TEAD1: variants seen among roughly 807,000 people sequenced by gnomAD.
TEAD1 encodes TEA domain transcription factor 1.
Under a neutral mutation model 54.9 loss-of-function variants are expected in TEAD1, and 9 were observed. The observed-to-expected ratio is 0.16, with a 90% confidence interval of 0.10 to 0.29. The LOEUF is 0.29. Ranked by LOEUF, TEAD1 falls within the 10% of genes least tolerant of loss-of-function variation. TEAD1 has a pLI of 1.00. For synonymous variants in TEAD1, 200 were observed against 187.8 expected, an observed-to-expected ratio of 1.07 and a Z score of -0.53; for missense variants, 387 against 535.9, an observed-to-expected ratio of 0.72 and a Z score of 2.74.
intron 2 of TEAD1, among the ~76,000 whole-genome samples, chr11:12,724,717 A>G (rs1590087219): frequency 6.6e-6 from 1 of 152,132 alleles, no homozygotes; most frequent in Non-Finnish European, 1.5e-5. Context: ...TGAGGGCAGA[A>G]CCTCCTGCTC....
intron 2 of TEAD1, among the ~76,000 whole-genome samples, chr11:12,721,803 A>G (rs948509185): frequency 1.6e-4 from 25 of 152,202 alleles, no homozygotes; most frequent in Non-Finnish European, 2.9e-4. Flanking sequence ...AAGCTTCTAA[A>G]TATACCCACT....
chr11:12,717,904 A>G lies in TEAD1; in HGVS notation c.-55+42343A>G, dbSNP rs548698281. ...ATTTACTGGGTTGTACAGTGGGGGT[A>G]TTAATAGAAGTACCTTCCTCATAGG... On this transcript the variant is annotated intron_variant, in intron 2 of 12. Coordinates refer to ENST00000527636, the MANE Select transcript of TEAD1 (RefSeq NM_021961.6). Among the ~76,000 whole-genome samples the G allele has an allele frequency of 2.0e-4, 31 of 152,322 alleles. No homozygotes were observed. In the East Asian group the frequency reaches 4.1e-3, roughly 20 times the overall value.
intron 9 of TEAD1, among the ~76,000 whole-genome samples, chr11:12,896,870 C>A: frequency 6.6e-6 from 1 of 152,146 alleles, no homozygotes; most frequent in Admixed American, 6.5e-5. Context: ...CAGTGCCTGG[C>A]ATGTATGATG....
chr11:12,740,252 T>A (rs1052762871), intron 2 of TEAD1, among the ~76,000 whole-genome samples: 1 of 152,224 alleles, frequency 6.6e-6, no homozygotes, highest in Non-Finnish European at 1.5e-5. Context: ...ACAGTAGTAC[T>A]TTTCTCATAG....
At chr11:12,888,783 G>C (rs890952938) in intron 9 of TEAD1, among the ~76,000 whole-genome samples, 11 of 152,218 alleles carry the variant, frequency 7.2e-5, no homozygotes, top group African/African-American at 2.7e-4. Flanking sequence ...CCCAGTGTTA[G>C]ACAGCCAGCT....
intron 2 of TEAD1, among the ~76,000 whole-genome samples, chr11:12,761,084 C>A (rs1182388660): frequency 2.6e-5 from 4 of 152,118 alleles, no homozygotes; most frequent in Non-Finnish European, 5.9e-5. Flanking sequence ...GGGTCTTTTC[C>A]TTTGCAGTAA....
intron 3 of TEAD1, among the ~76,000 whole-genome samples, chr11:12,790,169 C>T (rs1052162337): frequency 6.6e-6 from 1 of 152,210 alleles, no homozygotes; most frequent in African/African-American, 2.4e-5. Flanking sequence ...AGAGTGGGGC[C>T]GTGCTACCTA....
intron 2 of TEAD1, among the ~76,000 whole-genome samples, chr11:12,723,883 A>G (rs947158636): frequency 2.0e-5 from 3 of 152,178 alleles, no homozygotes; most frequent in African/African-American, 7.2e-5. Context: ...AGGGAGCCCA[A>G]CTTGTTTTTC....
chr11:12,769,102 T>C (rs901483748), intron 3 of TEAD1, among the ~76,000 whole-genome samples: 1 of 152,044 alleles, frequency 6.6e-6, no homozygotes, highest in African/African-American at 2.4e-5. Flanking sequence ...CTATTGACTT[T>C]CTCCTTTTGC....
intron 2 of TEAD1, among the ~76,000 whole-genome samples, chr11:12,682,586 CTGT>C (rs1231100184): frequency 1.3e-5 from 2 of 152,184 alleles, no homozygotes; most frequent in Non-Finnish European, 2.9e-5. Context: ...ATAAACCACC[CTGT>C]TGTTCATTTT....
intron 2 of TEAD1, among the ~76,000 whole-genome samples, chr11:12,679,930 A>G (rs1590045172): frequency 6.6e-6 from 1 of 152,214 alleles, no homozygotes; most frequent in Non-Finnish European, 1.5e-5. Flanking sequence ...GCATTTTTGT[A>G]TAACCTGATG....
At chr11:12,863,091 T>C (rs2134068738) in intron 4 of TEAD1, among the ~76,000 whole-genome samples, 1 of 152,236 alleles carries the variant, frequency 6.6e-6, no homozygotes, top group Non-Finnish European at 1.5e-5. Flanking sequence ...TTTTTTAATG[T>C]CGATTTATGC....
intron 2 of TEAD1, among the ~76,000 whole-genome samples, chr11:12,699,056 A>G (rs1014022110): frequency 6.6e-6 from 1 of 152,224 alleles, no homozygotes; most frequent in African/African-American, 2.4e-5. Context: ...AAATGAAATC[A>G]TGGTATATTT....
At chr11:12,850,959 C>A in intron 3 of TEAD1, 1 of 577,588 alleles carries the variant, frequency 1.7e-6, no homozygotes, top group Non-Finnish European at 2.2e-6. Context: ...AAAATTGTGC[C>A]ACTTCTCACT....
intron 10 of TEAD1, among the ~76,000 whole-genome samples, chr11:12,920,113 A>G (rs1341768239): frequency 6.6e-6 from 1 of 152,198 alleles, no homozygotes; most frequent in Non-Finnish European, 1.5e-5. Flanking sequence ...ATTTTAAATA[A>G]CTGAAGTAGA....
At position 12,868,006 on chromosome 11, in the gene TEAD1, G is replaced by A. The variant is rs147344908; in HGVS notation, c.330+3106G>A. ...TTACCACTTCTCCACAAACTCAGACGTCGAAGGGGTAGACAAAGGTCTATG... is the reference window on the plus strand; with the variant it reads ...TTACCACTTCTCCACAAACTCAGACATCGAAGGGGTAGACAAAGGTCTATG... On this transcript the variant is annotated intron_variant, in intron 5 of 12. Transcript: ENST00000527636. Among the ~76,000 whole-genome samples, 476 of 152,266 alleles carry A rather than the reference G, an allele frequency of 3.1e-3. 1 individual carries two copies. The highest frequency in any genetic ancestry group is 0.011 in the African/African-American group (449 of 41,550).
At chr11:12,767,817 C>G (rs965886438) in intron 3 of TEAD1, among the ~76,000 whole-genome samples, 2 of 152,154 alleles carry the variant, frequency 1.3e-5, no homozygotes, top group Non-Finnish European at 2.9e-5. Context: ...TGCTCAGTCC[C>G]TGGGGCTCTC....
intron 3 of TEAD1, among the ~76,000 whole-genome samples, chr11:12,765,434 A>G (rs1286319696): frequency 3.9e-5 from 6 of 152,242 alleles, no homozygotes; most frequent in African/African-American, 1.4e-4. Flanking sequence ...GAACTGGCTC[A>G]GTATTTTACC....
intron 3 of TEAD1, among the ~76,000 whole-genome samples, chr11:12,847,574 G>C (rs1042228654): frequency 6.6e-6 from 1 of 152,166 alleles, no homozygotes; most frequent in Non-Finnish European, 1.5e-5. Context: ...AGAGACAGAA[G>C]TGTGTGTAGA....
Sources: gnomAD v4.1 joint callset for allele counts (sites outside exome capture counted in the v4.1 genomes callset) on GRCh38, gnomAD v4.1.1 for gene constraint, MANE v1.5 for transcripts, NCBI Gene and HGNC (gene_info 2026-07-23, HGNC 2026-07-21) for gene names.